SLC44A5: variants seen among roughly 807,000 people sequenced by gnomAD.
SLC44A5 encodes solute carrier family 44 member 5, also known as choline transporter-like protein 5.
A neutral mutation model predicts 101.8 loss-of-function variants in SLC44A5; 57 were observed. That is an observed-to-expected ratio of 0.56 (90% CI 0.45 to 0.70). The LOEUF is 0.70. Among genes scored for constraint, SLC44A5 ranks in the 30% least tolerant of loss-of-function variants. The probability of loss-of-function intolerance (pLI) is 0.00; values close to 1 mark genes in which losing one functional copy is unlikely to be tolerated. For synonymous variants in SLC44A5, 281 were observed against 290.9 expected (o/e 0.97, Z 0.35); for missense variants, 737 against 853.1 (o/e 0.86, Z 1.70).
intron 1 of SLC44A5, among the ~76,000 whole-genome samples, chr1:75,600,451 T>C (rs1674904940): frequency 6.6e-6 from 1 of 152,206 alleles, no homozygotes; most frequent in Admixed American, 6.6e-5. Context: ...CTGTAAATCA[T>C]TAGTTTTATA....
At chr1:75,344,474 T>C (rs1291435895) in intron 3 of SLC44A5, among the ~76,000 whole-genome samples, 4 of 152,144 alleles carry the variant, frequency 2.6e-5, no homozygotes, top group Non-Finnish European at 5.9e-5. Context: ...TGTGAATAAA[T>C]TAAGGACCAT....
At chr1:75,632,696 A>G in the SLC44A5 span, among the ~76,000 whole-genome samples, 34 of 152,108 alleles carry the variant, frequency 2.2e-4, no homozygotes, top group African/African-American at 8.0e-4. Flanking sequence ...AAAAACTAAG[A>G]CTCTATTACC....
chr1:75,230,512 G>A (rs975126298), intron 12 of SLC44A5, among the ~76,000 whole-genome samples: 3 of 152,114 alleles, frequency 2.0e-5, no homozygotes, highest in Non-Finnish European at 4.4e-5. Flanking sequence ...GCTTCCCAAA[G>A]TGCTGGGATT....
the SLC44A5 span, among the ~76,000 whole-genome samples, chr1:75,711,453 GT>G: frequency 6.6e-6 from 1 of 152,160 alleles, no homozygotes; most frequent in Non-Finnish European, 1.5e-5. Context: ...TTAAAAAATA[GT>G]TTTATTCAGA....
At chr1:75,460,280 G>A (rs1457292343) in intron 2 of SLC44A5, among the ~76,000 whole-genome samples, 1 of 152,132 alleles carries the variant, frequency 6.6e-6, no homozygotes, top group African/African-American at 2.4e-5. Flanking sequence ...ATTTGGCATT[G>A]CCTTCCTACT....
chr1:75,227,439 T>C (rs959799385), intron 13 of SLC44A5, among the ~76,000 whole-genome samples: 1 of 152,192 alleles, frequency 6.6e-6, no homozygotes, highest in East Asian at 1.9e-4. Flanking sequence ...TTTAAACATC[T>C]TTCTTAGACC....
chr1:75,416,820 G>A (rs996824641), intron 2 of SLC44A5, among the ~76,000 whole-genome samples: 1 of 152,188 alleles, frequency 6.6e-6, no homozygotes, highest in East Asian at 1.9e-4. Flanking sequence ...GACTTGCATG[G>A]GGCCTGTAGC....
chr1:75,636,763 T>C, the SLC44A5 span, among the ~76,000 whole-genome samples: 164 of 152,230 alleles, frequency 1.1e-3, 3 homozygotes, highest in African/African-American at 3.8e-3. Flanking sequence ...TGACAGTTTA[T>C]GAGTAGGAAT....
At chr1:75,300,923 T>G (rs572106724) in intron 4 of SLC44A5, among the ~76,000 whole-genome samples, 55 of 152,290 alleles carry the variant, frequency 3.6e-4, no homozygotes, top group Non-Finnish European at 7.1e-4. Context: ...TAGTATTTGT[T>G]CTCTCTTATT....
chr1:75,676,480 C>T, the SLC44A5 span, among the ~76,000 whole-genome samples: 5 of 152,134 alleles, frequency 3.3e-5, no homozygotes, highest in Non-Finnish European at 5.9e-5. Flanking sequence ...CATGTTCCCA[C>T]TTATCAGTGG....
At chr1:75,661,931 A>C in the SLC44A5 span, among the ~76,000 whole-genome samples, 1 of 152,124 alleles carries the variant, frequency 6.6e-6, no homozygotes, top group African/African-American at 2.4e-5. Flanking sequence ...TATGGAAAGC[A>C]GTATGGAGGT....
chr1:75,543,606 TATAC>T (rs1255226141), intron 1 of SLC44A5, among the ~76,000 whole-genome samples: 2 of 141,914 alleles, frequency 1.4e-5, no homozygotes, highest in Non-Finnish European at 3.1e-5. Flanking sequence ...TATATATATA[TATAC>T]ACACACACAT....
chr1:75,447,904 A>G (rs1665680260), intron 2 of SLC44A5, among the ~76,000 whole-genome samples: 1 of 152,174 alleles, frequency 6.6e-6, no homozygotes, highest in South Asian at 2.1e-4. Context: ...GTTAGATAAA[A>G]TTATAATTCC....
chr1:75,564,747 G>A (rs1253636649), intron 1 of SLC44A5, among the ~76,000 whole-genome samples: 1 of 152,114 alleles, frequency 6.6e-6, no homozygotes, highest in East Asian at 1.9e-4. Context: ...AGCCTCCCAA[G>A]TAGCTGGGAC....
At chr1:75,598,747 G>A (rs1003647869) in intron 1 of SLC44A5, among the ~76,000 whole-genome samples, 1 of 152,078 alleles carries the variant, frequency 6.6e-6, no homozygotes, top group Non-Finnish European at 1.5e-5. Flanking sequence ...ACACATAGAG[G>A]GAAACAACAC....
chr1:75,292,306 C>T (rs1274583879), intron 5 of SLC44A5, among the ~76,000 whole-genome samples: 1 of 152,070 alleles, frequency 6.6e-6, no homozygotes, highest in Non-Finnish European at 1.5e-5. Context: ...TGAAGCAGCT[C>T]TCATGGTTCC....
intron 2 of SLC44A5, among the ~76,000 whole-genome samples, chr1:75,501,866 G>A (rs778407226): frequency 3.9e-5 from 6 of 152,144 alleles, no homozygotes; most frequent in Middle Eastern, 3.2e-3. Context: ...ATAAAACAGC[G>A]TTATACAGCA....
chr1:75,287,580 T>G (rs1653172427), intron 5 of SLC44A5, among the ~76,000 whole-genome samples: 2 of 152,034 alleles, frequency 1.3e-5, no homozygotes, highest in African/African-American at 4.8e-5. Context: ...GTAGACTATG[T>G]CAGGGGGAAG....
chr1:75,371,884 G>A (rs1660249058), intron 3 of SLC44A5, among the ~76,000 whole-genome samples: 1 of 152,148 alleles, frequency 6.6e-6, no homozygotes, highest in African/African-American at 2.4e-5. Context: ...AAGCCAGGTT[G>A]GATTGACAAG....
Sources: gnomAD v4.1 joint callset for allele counts (sites outside exome capture counted in the v4.1 genomes callset) on GRCh38, gnomAD v4.1.1 for gene constraint, MANE v1.5 for transcripts, NCBI Gene and HGNC (gene_info 2026-07-23, HGNC 2026-07-21) for gene names.